Variants in PLEKHF2 observed in about 807,000 individuals in gnomAD.
PLEKHF2 encodes the protein pleckstrin homology domain-containing family F member 2.
In PLEKHF2, 4 loss-of-function variants were observed where a neutral mutation model predicts 14.7. That is an observed-to-expected ratio of 0.27 (90% CI 0.13 to 0.62). PLEKHF2 has a LOEUF of 0.62. Among genes scored for constraint, PLEKHF2 ranks in the 20% least tolerant of loss-of-function variants. PLEKHF2 has a pLI of 0.85. For synonymous variants in PLEKHF2, 90 were observed against 103.5 expected (o/e 0.87, Z 0.79); for missense variants, 201 against 307.7 (o/e 0.65, Z 2.60).
rs1430590257 is a variant in PLEKHF2, at chr8:95,155,563, T to C, written c.*769T>C. On this transcript the variant is annotated 3_prime_UTR_variant, in exon 2 of 2. Transcript: ENST00000315367. ...AATATATATTTTAAATTAATAAAAG[T>C]TGTCATTCTTAGGAATTTGGTTTGA... The C allele has an allele frequency of 6.0e-6, 1 of 167,092 alleles. No individual in the cohort carries two copies. The highest frequency in any genetic ancestry group is 2.4e-5 in the African/African-American group (1 of 41,476). The allele number at this position is 167,092 out of a possible 1,614,324, so 10.4% of individuals were successfully genotyped here.
intron 1 of PLEKHF2, among the ~76,000 whole-genome samples, chr8:95,151,446 C>T (rs1227219901): frequency 6.6e-6 from 1 of 151,552 alleles, no homozygotes; most frequent in African/African-American, 2.4e-5. Context: ...CTCCCCTATC[C>T]TTACCCCTTC....
In PLEKHF2 at chr8:95,155,544, T is replaced by C. The variant is rs532745512; in HGVS notation, c.*750T>C. 6.0e-6 allele frequency: 1 copy of C among 167,200 alleles called. No individual in the cohort carries two copies. The highest frequency in any genetic ancestry group is 2.4e-5 in the African/African-American group (1 of 41,586). The allele number at this position is 167,200 out of a possible 1,614,324, so 10.4% of individuals were successfully genotyped here. A position where few individuals can be genotyped will look rare whatever the true frequency, so the allele number is the denominator to read the frequency against. ...TCCCAAATTATAATTGTCAAATATA[T>C]ATTTTAAATTAATAAAAGTTGTCAT... is the stretch of plus-strand genomic sequence containing the variant. On this transcript the variant is annotated 3_prime_UTR_variant, in exon 2 of 2. Transcript: ENST00000315367.
chr8:95,154,885 T>A lies in PLEKHF2; in HGVS notation c.*91T>A, dbSNP rs1810599755. On this transcript the variant is annotated 3_prime_UTR_variant, in exon 2 of 2. Transcript: ENST00000315367. This position sits in a 1 kb window ranked among gnomAD's most constrained non-coding sequence, Gnocchi z 5.6. Reference sequence around the variant, plus strand: ...GATTCTGAGCTCTCTCTCTGTTTTGTTCTAGCCATGAATTTGCCTGAGAAA... The same window carrying A: ...GATTCTGAGCTCTCTCTCTGTTTTGATCTAGCCATGAATTTGCCTGAGAAA... 4.7e-6 allele frequency: 7 copies of A among 1,484,008 alleles called. 1 individual carries two copies. The South Asian group carries it at 9.1e-5, about 19-fold the overall frequency. 91.9% of individuals were successfully genotyped at this position (1,484,008 alleles called of 1,614,324 possible).
chr8:95,143,996 T>A (rs991227634), intron 1 of PLEKHF2, among the ~76,000 whole-genome samples: 6 of 152,174 alleles, frequency 3.9e-5, no homozygotes, highest in East Asian at 1.9e-4. Flanking sequence ...AAACTTTTTT[T>A]AAAACATTAT....
In PLEKHF2 at chr8:95,138,296, A is replaced by G. The variant is rs562307248; in HGVS notation, c.-15+4266A>G. On this transcript the variant is annotated intron_variant, in intron 1 of 1. Transcript: ENST00000315367. ...GATGACCTTACTTCCTTCTAAAATG[A>G]TTAAGATTTTATGATGTGAATTTTC... Among the ~76,000 whole-genome samples the G allele has an allele frequency of 3.3e-5, 5 of 149,672 alleles. No individual in the cohort carries two copies. In the East Asian group the frequency reaches 9.8e-4, roughly 29 times the overall value.
At chr8:95,152,753 G>A (rs1280151867) in intron 1 of PLEKHF2, among the ~76,000 whole-genome samples, 1 of 152,074 alleles carries the variant, frequency 6.6e-6, no homozygotes, top group Non-Finnish European at 1.5e-5. Context: ...ACAGAATTCA[G>A]AAATAACCAG....
intron 1 of PLEKHF2, among the ~76,000 whole-genome samples, chr8:95,150,293 C>T: frequency 6.6e-6 from 1 of 151,820 alleles, no homozygotes; most frequent in Non-Finnish European, 1.5e-5. Flanking sequence ...ATATTCAGGA[C>T]CAAAAAGGAT....
intron 1 of PLEKHF2, among the ~76,000 whole-genome samples, chr8:95,140,908 A>T (rs779272989): frequency 4.6e-5 from 7 of 152,216 alleles, no homozygotes; most frequent in Non-Finnish European, 8.8e-5. Context: ...ATAGCACATT[A>T]TAGGGATACC....
chr8:95,145,104 C>CT (rs1315364390), intron 1 of PLEKHF2, among the ~76,000 whole-genome samples: 3 of 151,874 alleles, frequency 2.0e-5, no homozygotes, highest in Non-Finnish European at 4.4e-5. Flanking sequence ...AATAAGTCTA[C>CT]TTTTCAGTAA....
intron 1 of PLEKHF2, among the ~76,000 whole-genome samples, chr8:95,152,055 C>T (rs1231648097): frequency 6.6e-6 from 1 of 152,026 alleles, no homozygotes; most frequent in Non-Finnish European, 1.5e-5. Context: ...ATGAGTTGCA[C>T]ATAAATATGT....
rs113636579 is a variant in PLEKHF2, at chr8:95,154,870, T to G, written c.*76T>G. On this transcript the variant is annotated 3_prime_UTR_variant, in exon 2 of 2. Transcript: ENST00000315367. The surrounding 1 kb of genome is among the most constrained non-coding windows in gnomAD (Gnocchi z 5.6). ...TTGGGGGAAATGTAAGATTCTGAGC[T>G]CTCTCTCTGTTTTGTTCTAGCCATG... is the stretch of plus-strand genomic sequence containing the variant. 5.6e-5 allele frequency: 75 copies of G among 1,348,660 alleles called. No homozygotes were observed. The highest frequency in any genetic ancestry group is 6.8e-5 in the Non-Finnish European group (68 of 997,942). The allele number at this position is 1,348,660 out of a possible 1,614,324, so 83.5% of individuals were successfully genotyped here. A position where few individuals can be genotyped will look rare whatever the true frequency, so the allele number is the denominator to read the frequency against.
At chr8:95,153,117 A>G (rs1019424324) in intron 1 of PLEKHF2, among the ~76,000 whole-genome samples, 3 of 152,104 alleles carry the variant, frequency 2.0e-5, no homozygotes, top group Non-Finnish European at 4.4e-5. Flanking sequence ...TCTGCTTTTT[A>G]GGTTCTGCAT....
chr8:95,149,530 C>T lies in PLEKHF2; in HGVS notation c.-14-4501C>T, dbSNP rs567810211. On this transcript the variant is annotated intron_variant, in intron 1 of 1. Transcript: ENST00000315367. Reference sequence around the variant, plus strand: ...AATAAAGCAAGATGCTTTTAAAAATCGGTCATGCTTGCTGAAATTTTTAAA... The same window carrying T: ...AATAAAGCAAGATGCTTTTAAAAATTGGTCATGCTTGCTGAAATTTTTAAA... Among the ~76,000 whole-genome samples the T allele has an allele frequency of 1.9e-4, 29 of 152,188 alleles. 1 individual carries two copies. Among genetic ancestry groups the T allele is most frequent in the Admixed American group, 1.4e-3 (22 of 15,282 alleles).
rs1778467939 is a variant in PLEKHF2, at chr8:95,154,565, A to C, written c.521A>C (p.His174Pro). The part of the protein sequence containing the change: ...AKFTPVNRRH[H>P]CRKCGFVVCG... ...TTCACACCTGTTAATCGTCGCCACC[A>C]TTGCCGCAAATGTGGTTTTGTTGTC... Residue 174 changes from histidine to proline, a missense_variant, in exon 2 of 2, where the codon CAT becomes CCT. By Grantham distance (77) the His-to-Pro change is moderately conservative. Coordinates refer to ENST00000315367, the MANE Select transcript of PLEKHF2 (RefSeq NM_024613.4). This position sits in a 1 kb window ranked among gnomAD's most constrained non-coding sequence, Gnocchi z 5.6. 1 of 1,614,018 alleles carries C rather than the reference A, an allele frequency of 6.2e-7. No homozygotes were observed. The highest frequency in any genetic ancestry group is 8.5e-7 in the Non-Finnish European group (1 of 1,180,022).
At chr8:95,144,313 G>A (rs1292421997) in intron 1 of PLEKHF2, among the ~76,000 whole-genome samples, 1 of 152,162 alleles carries the variant, frequency 6.6e-6, no homozygotes, top group Non-Finnish European at 1.5e-5. Flanking sequence ...TTGTTTTTAT[G>A]TACTATTTCT....
At chr8:95,134,932 A>G (rs957796516) in intron 1 of PLEKHF2, among the ~76,000 whole-genome samples, 6 of 152,228 alleles carry the variant, frequency 3.9e-5, no homozygotes, top group Non-Finnish European at 7.3e-5. Context: ...ATAAGAAGTG[A>G]TCTTGACAGT....
intron 1 of PLEKHF2, among the ~76,000 whole-genome samples, chr8:95,136,524 A>G (rs933181563): frequency 3.3e-5 from 5 of 152,210 alleles, no homozygotes; most frequent in African/African-American, 1.2e-4. Flanking sequence ...ATGGATCATC[A>G]AAAGGATTAT....
At chr8:95,134,144 TGTC>T (rs980986842) in intron 1 of PLEKHF2, 114 bp downstream of exon 1, 10 of 146,954 alleles carry the variant, frequency 6.8e-5, no homozygotes, top group African/African-American at 2.2e-4. Flanking sequence ...CGCCGGGAGG[TGTC>T]GTCGTCGCGG....
chr8:95,136,331 TATACACACACACACAC>T (rs1407910002), intron 1 of PLEKHF2, among the ~76,000 whole-genome samples: 4 of 107,826 alleles, frequency 3.7e-5, no homozygotes, highest in Non-Finnish European at 5.7e-5. Flanking sequence ...TTTTATTATA[TATACACACACACACAC>T]ACACACACAC....
Sources: allele counts gnomAD v4.1 joint callset (sites outside exome capture counted in the v4.1 genomes callset), GRCh38; gene constraint gnomAD v4.1.1; non-coding constraint Gnocchi (gnomAD v3.1); transcripts MANE v1.5; gene names NCBI Gene and HGNC (gene_info 2026-07-23, HGNC 2026-07-21).